ABL1: variants seen among roughly 807,000 people sequenced by gnomAD.
The protein encoded by ABL1 is tyrosine-protein kinase ABL1.
A neutral mutation model predicts 94.7 loss-of-function variants in ABL1; 11 were observed. The ratio of observed to expected loss-of-function variants is 0.12; its 90% CI spans 0.07 to 0.19. ABL1 has a LOEUF of 0.19. Ranked by LOEUF, ABL1 falls within the 10% of genes least tolerant of loss-of-function variation. The pLI is 1.00. For synonymous variants in ABL1, 656 were observed against 622.4 expected, an observed-to-expected ratio of 1.05 and a Z score of -0.80; for missense variants, 1,082 against 1,489.4, an observed-to-expected ratio of 0.73 and a Z score of 4.50.
rs202051979 is a variant in ABL1 at position 130,781,783 on chromosome 9, A to ATT, written c.136+67337_136+67338dup. Among the ~76,000 whole-genome samples, 33 of 149,800 alleles carry ATT rather than the reference A, an allele frequency of 2.2e-4. No homozygotes were observed. The East Asian group carries it at 6.3e-3, about 28-fold the overall frequency. Reference sequence around the variant, plus strand: ...TCTCCCCTTAACCATCTAAATCTGTATTTTTTTTTTCCCCATTTAGTTTCC... The same window carrying ATT: ...TCTCCCCTTAACCATCTAAATCTGTATTTTTTTTTTTTCCCCATTTAGTTTCC... On this transcript the variant is annotated intron_variant, in intron 1 of 10. Coordinates refer to the ABL1 transcript ENST00000372348.
chr9:130,822,830 C>G (rs1276838181), intron 1 of ABL1, among the ~76,000 whole-genome samples: 2 of 151,522 alleles, frequency 1.3e-5, no homozygotes, highest in African/African-American at 4.9e-5. Context: ...TGGAGTCTCG[C>G]TCTGTCACCC....
chr9:130,721,777 T>C (rs912166300), intron 1 of ABL1, among the ~76,000 whole-genome samples: 1 of 151,828 alleles, frequency 6.6e-6, no homozygotes. Context: ...AGTGCAATTA[T>C]TGGATCCTAT....
At chr9:130,804,446 G>A (rs1422047531) in intron 1 of ABL1, among the ~76,000 whole-genome samples, 3 of 152,042 alleles carry the variant, frequency 2.0e-5, no homozygotes, top group Admixed American at 6.6e-5. Flanking sequence ...ATTAGTGGGC[G>A]TGTGGCGCAT....
rs1366112610 is a variant in ABL1, at chr9:130,780,755, A to G, written c.136+66300A>G. ...TTCTTGTTTCCATTCTTTTCTTACC[A>G]TATGACCAAGTAAGTCCAAGAAAGT... On this transcript the variant is annotated intron_variant, in intron 1 of 10. Coordinates refer to the ABL1 transcript ENST00000372348. 3.3e-5 allele frequency among the ~76,000 whole-genome samples: 5 copies of G among 152,256 alleles called. No homozygotes were observed. The East Asian group carries it at 9.6e-4, about 29-fold the overall frequency.
intron 1 of ABL1, among the ~76,000 whole-genome samples, chr9:130,789,935 A>G (rs541545177): frequency 6.6e-6 from 1 of 152,358 alleles, no homozygotes; most frequent in African/African-American, 2.4e-5. Flanking sequence ...AGAAGGTCCA[A>G]CTTATGTCTA....
intron 3 of ABL1, among the ~76,000 whole-genome samples, chr9:130,856,182 G>A (rs1375269210): frequency 2.0e-5 from 3 of 152,154 alleles, no homozygotes; most frequent in Non-Finnish European, 4.4e-5. Flanking sequence ...TCCACCTCCC[G>A]GGTTCAAGCA....
intron 1 of ABL1, among the ~76,000 whole-genome samples, chr9:130,741,523 A>G (rs1831818219): frequency 6.6e-6 from 1 of 151,648 alleles, no homozygotes; most frequent in African/African-American, 2.4e-5. Context: ...CCACACTGAT[A>G]TACTAGTTAC....
intron 1 of ABL1, among the ~76,000 whole-genome samples, chr9:130,720,027 G>A (rs941714618): frequency 1.3e-5 from 2 of 152,136 alleles, no homozygotes; most frequent in African/African-American, 4.8e-5. Flanking sequence ...GGGAGAGTTG[G>A]TACAACAATT....
chr9:130,798,655 T>C (rs1461089813), intron 1 of ABL1, among the ~76,000 whole-genome samples: 5 of 152,032 alleles, frequency 3.3e-5, no homozygotes, highest in Non-Finnish European at 5.9e-5. Context: ...CTTCCCACAG[T>C]AACAACGGAT....
At chr9:130,739,452 A>AT (rs35148165) in intron 1 of ABL1, among the ~76,000 whole-genome samples, 28,688 of 152,036 alleles carry the variant, frequency 0.19, 3,437 homozygotes, top group Middle Eastern at 0.39. Flanking sequence ...TGTAAAAAAA[A>AT]TTTTTAAGCT....
chr9:130,874,769 C>A, intron 6 of ABL1, 99 bp from the exon 7 acceptor site: 1 of 1,296,794 alleles, frequency 7.7e-7, no homozygotes, highest in Non-Finnish European at 1.1e-6. Flanking sequence ...TGGACTCAAT[C>A]TTTCCATTGT....
intron 1 of ABL1, among the ~76,000 whole-genome samples, chr9:130,808,330 A>G (rs778733438): frequency 4.8e-5 from 7 of 144,344 alleles, no homozygotes; most frequent in Admixed American, 2.1e-4. Flanking sequence ...TGCAACCTCC[A>G]CCTCCCAGGT....
chr9:130,841,936 T>G (rs578124674), intron 1 of ABL1, among the ~76,000 whole-genome samples: 12 of 137,390 alleles, frequency 8.7e-5, no homozygotes, highest in African/African-American at 1.1e-4. Context: ...GGGAAGGAGA[T>G]AGAGAGAGAG....
rs929566478 is a variant in ABL1, at chr9:130,887,570, C to T, written c.*1887C>T. 5 of 233,102 alleles carry T rather than the reference C, an allele frequency of 2.1e-5. No homozygotes were observed. Among genetic ancestry groups the T allele is most frequent in the Middle Eastern group, 1.3e-3 (1 of 780 alleles). 14.4% of individuals were successfully genotyped at this position (233,102 alleles called of 1,614,324 possible). The stretch of plus-strand genomic sequence containing the variant: ...CTGTGGTGGCTCCCCCTCTGCTTCT[C>T]GGGGTCCAGTGCATTTTGTTTCTGT... On this transcript the variant is annotated 3_prime_UTR_variant, in exon 11 of 11. Coordinates refer to ENST00000318560, the MANE Select transcript of ABL1 (RefSeq NM_005157.6).
chr9:130,831,220 C>G (rs1213768476), upstream of ABL1, among the ~76,000 whole-genome samples: 1 of 152,144 alleles, frequency 6.6e-6, no homozygotes, highest in African/African-American at 2.4e-5. Flanking sequence ...TCAGCCAGAC[C>G]TGGGGTCACC....
At chr9:130,859,914 C>A (rs531236105) in intron 3 of ABL1, among the ~76,000 whole-genome samples, 1 of 152,032 alleles carries the variant, frequency 6.6e-6, no homozygotes, top group South Asian at 2.1e-4. Context: ...CGCCTGACCT[C>A]GTGATCTGCC....
chr9:130,809,398 G>A (rs1349070244), intron 1 of ABL1, among the ~76,000 whole-genome samples: 1 of 122,284 alleles, frequency 8.2e-6, no homozygotes, highest in Non-Finnish European at 1.8e-5. Flanking sequence ...GAGAGAGAGA[G>A]AGAGAGAGAG....
intron 1 of ABL1, among the ~76,000 whole-genome samples, chr9:130,734,626 A>G (rs979670832): frequency 3.3e-5 from 5 of 151,006 alleles, no homozygotes; most frequent in African/African-American, 1.2e-4. Context: ...GGTTCAGGCA[A>G]TTCTCCTGCC....
intron 1 of ABL1, among the ~76,000 whole-genome samples, chr9:130,768,645 G>A (rs147348450): frequency 1.1e-3 from 172 of 152,310 alleles, no homozygotes; most frequent in African/African-American, 3.9e-3. Context: ...GTCTGCTGTC[G>A]TGTTCCTGGC....
Sources: gnomAD v4.1 joint callset for allele counts (sites outside exome capture counted in the v4.1 genomes callset) on GRCh38, gnomAD v4.1.1 for gene constraint, MANE v1.5 for transcripts, NCBI Gene and HGNC (gene_info 2026-07-23, HGNC 2026-07-21) for gene names.